DNAH12: variants seen among roughly 807,000 people sequenced by gnomAD.
The protein encoded by DNAH12 is axonemal beta dynein heavy chain 12.
In DNAH12, 285 loss-of-function variants were observed where a neutral mutation model predicts 371.5. That is an observed-to-expected ratio of 0.77 (90% CI 0.70 to 0.85). The LOEUF is 0.85. Among genes scored for constraint, DNAH12 ranks in the 40% least tolerant of loss-of-function variants. The probability of loss-of-function intolerance (pLI) is 0.00; values close to 1 mark genes in which losing one functional copy is unlikely to be tolerated. For missense variants in DNAH12, 3,611 were observed against 3,689.4 expected (o/e 0.98, Z 0.55); for synonymous variants, 1,200 against 1,213.0 (o/e 0.99, Z 0.22).
At chr3:57,450,055 C>T (rs1043794435) in intron 25 of DNAH12, among the ~76,000 whole-genome samples, 1 of 152,184 alleles carries the variant, frequency 6.6e-6, no homozygotes, top group African/African-American at 2.4e-5. Flanking sequence ...CAAGACCAGC[C>T]TGGCCAACAT....
chr3:57,334,977 G>T (rs1407615208), intron 60 of DNAH12, 37 bp from the exon 61 acceptor site: 3 of 1,515,884 alleles, frequency 2.0e-6, no homozygotes, highest in South Asian at 1.3e-5. Flanking sequence ...TATAATTGTT[G>T]ATTTTAAAAT....
intron 60 of DNAH12, among the ~76,000 whole-genome samples, chr3:57,349,924 A>C (rs1403767136): frequency 3.3e-5 from 5 of 152,208 alleles, no homozygotes; most frequent in Non-Finnish European, 5.9e-5. Flanking sequence ...ACCTGAACTC[A>C]GGCGATCCAC....
chr3:57,487,949 C>G (rs1575673096), intron 12 of DNAH12, among the ~76,000 whole-genome samples: 1 of 151,362 alleles, frequency 6.6e-6, no homozygotes. Flanking sequence ...AGGATGGTTA[C>G]AACTCTCAAG....
intron 65 of DNAH12, among the ~76,000 whole-genome samples, chr3:57,317,162 C>T (rs536228241): frequency 1.6e-4 from 25 of 152,210 alleles, no homozygotes; most frequent in African/African-American, 2.4e-4. Context: ...ATGGCTGTTG[C>T]GTGCAGTTGA....
chr3:57,317,317 A>C (rs1421814809), intron 65 of DNAH12, among the ~76,000 whole-genome samples: 1 of 152,166 alleles, frequency 6.6e-6, no homozygotes, highest in African/African-American at 2.4e-5. Flanking sequence ...TTGTACAGCT[A>C]ATCTCCAGAA....
intron 39 of DNAH12, among the ~76,000 whole-genome samples, chr3:57,411,601 A>G (rs1553683069): frequency 6.6e-6 from 1 of 151,460 alleles, no homozygotes; most frequent in Admixed American, 6.6e-5. Context: ...ACCCACCCCC[A>G]ATGAAATACT....
intron 37 of DNAH12, 119 bp from the exon 38 acceptor site, chr3:57,415,683 A>G (rs2064351027): frequency 1.1e-6 from 1 of 946,948 alleles, no homozygotes; most frequent in African/African-American, 1.7e-5. Context: ...TTAAAAACTC[A>G]TTTTTACCTA....
At chr3:57,333,979 G>C (rs1015774466) in intron 62 of DNAH12, among the ~76,000 whole-genome samples, 46 of 150,988 alleles carry the variant, frequency 3.0e-4, no homozygotes, top group African/African-American at 1.1e-3. Flanking sequence ...AATATTAGCA[G>C]ATTAAAAAGA....
intron 29 of DNAH12, among the ~76,000 whole-genome samples, chr3:57,437,411 CAAAT>C (rs1362216834): frequency 1.3e-5 from 2 of 152,018 alleles, no homozygotes; most frequent in East Asian, 1.9e-4. Flanking sequence ...CAGAAATAAA[CAAAT>C]AAGTTTTTTA....
At chr3:57,454,065 C>T (rs6806461) in intron 23 of DNAH12, among the ~76,000 whole-genome samples, 100,014 of 151,976 alleles carry the variant, frequency 0.66, 33,215 homozygotes, top group South Asian at 0.75. Flanking sequence ...GCTATGACTA[C>T]GCCATTGCAC....
rs553462364 is a variant in DNAH12 at position 57,420,982 on chromosome 3, G to A, written c.5562+536C>T. 3.4e-4 allele frequency among the ~76,000 whole-genome samples: 51 copies of A among 150,124 alleles called. 2 individuals carry two copies. The South Asian group carries it at 0.011, about 31-fold the overall frequency. Reference sequence around the variant, plus strand: ...TACCACCTCTTTTTTCACTTTTAGAGATTACTTTATTGACTTCCCGCTATG... The same window carrying A: ...TACCACCTCTTTTTTCACTTTTAGAAATTACTTTATTGACTTCCCGCTATG... On this transcript the variant is annotated intron_variant, in intron 36 of 73. Coordinates refer to ENST00000495027, the MANE Select transcript of DNAH12 (RefSeq NM_001366028.2).
At position 57,462,858 on chromosome 3, in the gene DNAH12, G is replaced by C; in HGVS notation, c.2367C>G (p.Val789=). 1.3e-6 allele frequency: 2 copies of C among 1,551,128 alleles called. No individual in the cohort carries two copies. Among genetic ancestry groups the C allele is most frequent in the Non-Finnish European group, 1.7e-6 (2 of 1,146,816 alleles). The change falls in exon 18 of 74, where the codon GTC becomes GTG. Residue 789 remains valine, a synonymous_variant. Transcript: ENST00000495027. ...TCATTCCTGGATTGCACAGAATGGA[G>C]ACAGTAGGAATATATTCCTAATGGC... is the stretch of plus-strand genomic sequence containing the variant. ...IKAFKEYIPT[V]SILCNPGMRA...
chr3:57,404,399 C>T (rs1553680267), intron 42 of DNAH12, among the ~76,000 whole-genome samples: 1 of 152,006 alleles, frequency 6.6e-6, no homozygotes, highest in African/African-American at 2.4e-5. Flanking sequence ...CGAATACATA[C>T]ATGTATAGTA....
intron 22 of DNAH12, among the ~76,000 whole-genome samples, chr3:57,456,332 C>A (rs929350730): frequency 3.9e-5 from 6 of 152,088 alleles, no homozygotes; most frequent in Non-Finnish European, 8.8e-5. Flanking sequence ...GGCTCTCGGT[C>A]AAAGAAAAAG....
intron 42 of DNAH12, 76 bp downstream of exon 42, chr3:57,404,893 T>A (rs969001715): frequency 1.4e-5 from 18 of 1,315,616 alleles, no homozygotes; most frequent in Middle Eastern, 4.6e-4. Context: ...TCTTTACACC[T>A]TTTGGTACAT....
intron 2 of DNAH12, among the ~76,000 whole-genome samples, chr3:57,531,742 G>A (rs1050931591): frequency 2.5e-5 from 3 of 120,486 alleles, no homozygotes; most frequent in African/African-American, 1.0e-4. Flanking sequence ...TAGCCTGGGC[G>A]ACAGAGCAAG....
At chr3:57,543,384 G>A (rs1036298377) in intron 1 of DNAH12, among the ~76,000 whole-genome samples, 6 of 134,198 alleles carry the variant, frequency 4.5e-5, no homozygotes, top group Non-Finnish European at 9.2e-5. Context: ...GTGCAATGGC[G>A]CGATCTTGGC....
At chr3:57,344,673 G>A (rs553000075) in intron 60 of DNAH12, among the ~76,000 whole-genome samples, 2 of 152,314 alleles carry the variant, frequency 1.3e-5, no homozygotes, top group South Asian at 4.1e-4. Context: ...ATTATGTTCA[G>A]TGAAATACGC....
Position 57,501,297 on chromosome 3 carries a change from A to C in DNAH12, c.1335+24T>G, listed in dbSNP as rs767149069. 16 of 1,571,562 alleles carry C rather than the reference A, an allele frequency of 1.0e-5. No individual in the cohort carries two copies. The African/African-American group carries it at 2.0e-4, about 20-fold the overall frequency. ...GTTACAAAAAAATTCAAAACGCATT[A>C]ATAAAAACAGAATTACCGCTTACCT... On this transcript the variant is annotated intron_variant, in intron 11 of 73. Transcript: ENST00000495027.
Sources: gnomAD v4.1 joint callset for allele counts (sites outside exome capture counted in the v4.1 genomes callset) on GRCh38, gnomAD v4.1.1 for gene constraint, MANE v1.5 for transcripts, NCBI Gene and HGNC (gene_info 2026-07-23, HGNC 2026-07-21) for gene names.